TRPM3: variants seen among roughly 807,000 people sequenced by gnomAD.
TRPM3 encodes long transient receptor potential channel 3.
TRPM3 carries 77 observed loss-of-function variants against 181.2 expected under a neutral mutation model. The ratio of observed to expected loss-of-function variants is 0.42; its 90% CI spans 0.35 to 0.51. The LOEUF (loss-of-function observed/expected upper bound fraction) is 0.51, where lower values mean the gene tolerates loss of function less well. Ranked by LOEUF, TRPM3 falls within the 20% of genes least tolerant of loss-of-function variation. The probability of loss-of-function intolerance (pLI) is 0.01; values close to 1 mark genes in which losing one functional copy is unlikely to be tolerated. For missense variants in TRPM3, 1,759 were observed against 2,196.7 expected, an observed-to-expected ratio of 0.80 and a Z score of 3.98; for synonymous variants, 745 against 796.4, an observed-to-expected ratio of 0.94 and a Z score of 1.09.
chr9:70,776,799 G>C (rs868325772), intron 7 of TRPM3, among the ~76,000 whole-genome samples: 2 of 152,178 alleles, frequency 1.3e-5, no homozygotes, highest in Non-Finnish European at 2.9e-5. Flanking sequence ...CTTGTGAGGA[G>C]AATGCAGGTG....
intron 1 of TRPM3, among the ~76,000 whole-genome samples, chr9:71,423,132 TC>T (rs1474732771): frequency 6.6e-6 from 1 of 152,232 alleles, no homozygotes; most frequent in Non-Finnish European, 1.5e-5. Context: ...CTGGAGTTTT[TC>T]TTTTCACTGC....
chr9:71,179,777 G>T (rs2077294009), intron 1 of TRPM3, among the ~76,000 whole-genome samples: 1 of 151,888 alleles, frequency 6.6e-6, no homozygotes, highest in South Asian at 2.1e-4. Flanking sequence ...TTCCATTCGG[G>T]GAATATTTTT....
At chr9:71,231,449 T>G (rs1340532045) in intron 1 of TRPM3, among the ~76,000 whole-genome samples, 1 of 152,200 alleles carries the variant, frequency 6.6e-6, no homozygotes, top group Non-Finnish European at 1.5e-5. Flanking sequence ...ATATGAGTTC[T>G]TCCATAGAGC....
At chr9:70,948,835 GT>G (rs1564824849) in intron 1 of TRPM3, among the ~76,000 whole-genome samples, 1 of 152,054 alleles carries the variant, frequency 6.6e-6, no homozygotes, top group African/African-American at 2.4e-5. Context: ...TACTTAAACC[GT>G]TTTTCTATTG....
intron 1 of TRPM3, among the ~76,000 whole-genome samples, chr9:71,156,570 T>C (rs2076015573): frequency 6.6e-6 from 1 of 152,078 alleles, no homozygotes; most frequent in Non-Finnish European, 1.5e-5. Flanking sequence ...TTTTAATGCT[T>C]TAAATGAGAA....
At chr9:71,364,898 T>G (rs1036990165) in intron 1 of TRPM3, among the ~76,000 whole-genome samples, 1 of 152,170 alleles carries the variant, frequency 6.6e-6, no homozygotes, top group African/African-American at 2.4e-5. Flanking sequence ...TTCATAAGCA[T>G]TTGCATGGGG....
intron 1 of TRPM3, among the ~76,000 whole-genome samples, chr9:71,378,003 T>A (rs893115069): frequency 2.6e-5 from 4 of 152,068 alleles, no homozygotes; most frequent in African/African-American, 4.8e-5. Flanking sequence ...GATTGTCCAA[T>A]GACACTATTT....
intron 1 of TRPM3, among the ~76,000 whole-genome samples, chr9:71,420,813 A>AGAGAGAAAGAG (rs1565557668): frequency 4.6e-4 from 5 of 10,942 alleles, no homozygotes; most frequent in East Asian, 1.8e-3. Flanking sequence ...GAGAGAAAGA[A>AGAGAGAAAGAG]AGAGAGAAAG....
In TRPM3 at chr9:70,755,876, A is replaced by G. The variant is rs1349005180; in HGVS notation, c.1272+5725T>C. On this transcript the variant is annotated intron_variant, in intron 8 of 25. Transcript: ENST00000677713. The stretch of plus-strand genomic sequence containing the variant: ...ACTAGCCACTGCAAAAACATACCAA[A>G]TTGTAAAGACCTATTGACACTATGA... Among the ~76,000 whole-genome samples, 7 of 152,336 alleles carry G rather than the reference A, an allele frequency of 4.6e-5. No individual in the cohort carries two copies. The East Asian group carries it at 1.4e-3, about 29-fold the overall frequency.
intron 11 of TRPM3, among the ~76,000 whole-genome samples, chr9:70,635,557 G>A (rs933322906): frequency 1.4e-5 from 2 of 148,054 alleles, no homozygotes; most frequent in African/African-American, 2.5e-5. Context: ...CGAACTCTTG[G>A]GCTCACCTTA....
chr9:71,166,658 A>G lies in TRPM3; in HGVS notation c.183+279995T>C, dbSNP rs146759278. 1.2e-3 allele frequency among the ~76,000 whole-genome samples: 188 copies of G among 152,324 alleles called. 1 individual carries two copies. The highest frequency in any genetic ancestry group is 6.8e-3 in the Middle Eastern group (2 of 294). The stretch of plus-strand genomic sequence containing the variant: ...CTGTGACTGAAGAAATAAAAATATA[A>G]TGTTTTTGTCTCCATGTATTTCATG... On this transcript the variant is annotated intron_variant, in intron 1 of 24. Transcript: ENST00000357533.
chr9:71,235,850 G>T (rs1199984182), intron 1 of TRPM3, among the ~76,000 whole-genome samples: 1 of 152,112 alleles, frequency 6.6e-6, no homozygotes, highest in African/African-American at 2.4e-5. Context: ...GATGCATATT[G>T]CTTCTGTATT....
At chr9:70,591,299 A>G in intron 21 of TRPM3, 94 bp from the exon 22 acceptor site, 1 of 1,069,586 alleles carries the variant, frequency 9.3e-7, no homozygotes, top group Non-Finnish European at 1.4e-6. Flanking sequence ...CCTTTGGAGG[A>G]GGTCCACTTT....
rs139552588 is a variant in TRPM3 at position 71,351,875 on chromosome 9, TG to T, written c.183+94777del. On this transcript the variant is annotated intron_variant, in intron 1 of 24. Coordinates refer to the TRPM3 transcript ENST00000357533. ...AAGTTTTTGTTTGTTTGTTTGTTTT[TG>T]TTTTTTTTTTTTTTTTTGAGACTGA... Among the ~76,000 whole-genome samples, 290 of 99,404 alleles carry T rather than the reference TG, an allele frequency of 2.9e-3. 9 individuals are homozygous for T. The highest frequency in any genetic ancestry group is 9.2e-3 in the Middle Eastern group (2 of 218). 65.2% of individuals were successfully genotyped at this position (99,404 alleles called of 152,430 possible). A position where few individuals can be genotyped will look rare whatever the true frequency, so the allele number is the denominator to read the frequency against.
rs898216253 is a variant in TRPM3 at position 70,535,538 on chromosome 9, A to G, written c.*415T>C. ...TCTCATTGTGTACGCTGGCTATTTTATTTTATTTTGCAATTTAGCCCTGCA... is the reference window on the plus strand; with the variant it reads ...TCTCATTGTGTACGCTGGCTATTTTGTTTTATTTTGCAATTTAGCCCTGCA... On this transcript the variant is annotated 3_prime_UTR_variant, in exon 26 of 26. Coordinates refer to ENST00000677713, the MANE Select transcript of TRPM3 (RefSeq NM_001366145.2). 6.5e-7 allele frequency: 1 copy of G among 1,545,318 alleles called. No individual in the cohort carries two copies. The highest frequency in any genetic ancestry group is 2.0e-5 in the Admixed American group (1 of 50,186).
chr9:71,084,086 G>A (rs937054225), intron 1 of TRPM3, among the ~76,000 whole-genome samples: 1 of 151,830 alleles, frequency 6.6e-6, no homozygotes, highest in Admixed American at 6.6e-5. Context: ...AGGGAAGAAG[G>A]CAAGCCAGTC....
At chr9:70,689,711 A>C (rs1355518302) in intron 8 of TRPM3, among the ~76,000 whole-genome samples, 1 of 152,158 alleles carries the variant, frequency 6.6e-6, no homozygotes, top group East Asian at 1.9e-4. Context: ...TCACTAATAC[A>C]TATGAAACTT....
chr9:70,834,052 T>A (rs2094136463), intron 5 of TRPM3, among the ~76,000 whole-genome samples: 2 of 152,306 alleles, frequency 1.3e-5, no homozygotes, highest in Admixed American at 1.3e-4. Flanking sequence ...GCAGGGACAC[T>A]GGCTAGTTAC....
At position 71,195,853 on chromosome 9, in the gene TRPM3, A is replaced by G. The variant is rs62547689; in HGVS notation, c.183+250800T>C. Among the ~76,000 whole-genome samples the G allele has an allele frequency of 3.2e-3, 493 of 152,196 alleles. 2 individuals carry two copies. Among genetic ancestry groups the G allele is most frequent in the Middle Eastern group, 0.01 (3 of 294 alleles). On this transcript the variant is annotated intron_variant, in intron 1 of 24. Coordinates refer to the TRPM3 transcript ENST00000357533. ...GCCATTATCCTTAGCAAGCTAACAC[A>G]GGAACAGAAAACCAAATATCGCATG...
Sources: allele counts gnomAD v4.1 joint callset (sites outside exome capture counted in the v4.1 genomes callset), GRCh38; gene constraint gnomAD v4.1.1; transcripts MANE v1.5; gene names NCBI Gene and HGNC (gene_info 2026-07-23, HGNC 2026-07-21).